Variants in DCAF5 observed in about 807,000 individuals in gnomAD.
DCAF5 encodes the protein DDB1 and CUL4 associated factor 5.
In DCAF5, 9 loss-of-function variants were observed where a neutral mutation model predicts 80.7. The observed-to-expected ratio is 0.11, with a 90% CI of 0.07 to 0.19. The LOEUF (loss-of-function observed/expected upper bound fraction) is 0.19. Among genes scored for constraint, DCAF5 ranks in the 10% least tolerant of loss-of-function variants. DCAF5 has a pLI of 1.00. For missense variants in DCAF5, 842 were observed against 1,205.7 expected, an observed-to-expected ratio of 0.70 and a Z score of 4.47; for synonymous variants, 433 against 461.9, an observed-to-expected ratio of 0.94 and a Z score of 0.80.
intron 6 of DCAF5, among the ~76,000 whole-genome samples, chr14:69,087,121 T>C (rs901105406): frequency 6.6e-6 from 1 of 152,178 alleles, no homozygotes; most frequent in African/African-American, 2.4e-5. Context: ...AGCCATTCTA[T>C]TGGACTCACA....
rs1186819202 is a variant in DCAF5 at position 69,054,389 on chromosome 14, C to T, written c.2297G>A (p.Gly766Asp). 2 of 1,614,082 alleles carry T rather than the reference C, an allele frequency of 1.2e-6. No homozygotes were observed. Among genetic ancestry groups the T allele is most frequent in the South Asian group, 1.1e-5 (1 of 91,088 alleles). ...AGGGTGCTCTACAGAGCCGCTATTG[C>T]CAGTGTCCTGAGAGGTACCCTCTGG... ...EVPEGTSQDT[G>D]NSGSVEHPFE... Residue 766 changes from glycine (G) to aspartate (D), a missense_variant, in exon 9 of 9, where the codon GGC (glycine) becomes GAC (aspartate). Around this residue, in one of 5 missense-constraint regions of DCAF5, gnomAD observed 607 missense variants for 656.6 expected, o/e 0.92. Coordinates refer to ENST00000341516, the MANE Select transcript of DCAF5 (RefSeq NM_003861.3).
intron 1 of DCAF5, among the ~76,000 whole-genome samples, chr14:69,137,119 T>G (rs926222293): frequency 6.6e-6 from 1 of 152,250 alleles, no homozygotes; most frequent in South Asian, 2.1e-4. Flanking sequence ...GTGGGAGGCC[T>G]ATCTTGTAAG....
At chr14:69,102,091 C>T (rs2039971665) in intron 5 of DCAF5, among the ~76,000 whole-genome samples, 1 of 150,820 alleles carries the variant, frequency 6.6e-6, no homozygotes. Context: ...CAATAATTAA[C>T]CTTAGTTTAC....
chr14:69,083,473 A>C (rs748507814), intron 6 of DCAF5: 32 of 327,990 alleles, frequency 9.8e-5, no homozygotes, highest in Non-Finnish European at 1.6e-4. Flanking sequence ...GTGGAACCTA[A>C]AGTTGCAGGG....
At chr14:69,113,379 C>G (rs1290189261) in intron 5 of DCAF5, among the ~76,000 whole-genome samples, 1 of 152,124 alleles carries the variant, frequency 6.6e-6, no homozygotes, top group Non-Finnish European at 1.5e-5. Flanking sequence ...CAACTCTTAT[C>G]CTTTTGGAGT....
chr14:69,141,690 G>A (rs2041379552), intron 1 of DCAF5, among the ~76,000 whole-genome samples: 1 of 152,154 alleles, frequency 6.6e-6, no homozygotes, highest in Admixed American at 6.5e-5. Context: ...AGGCAGGCAG[G>A]TGACGTAGAG....
intron 1 of DCAF5, among the ~76,000 whole-genome samples, chr14:69,142,218 T>C (rs1230769366): frequency 1.3e-5 from 2 of 152,292 alleles, no homozygotes; most frequent in East Asian, 3.9e-4. Context: ...GAAGATCACT[T>C]GAGCATGGAG....
intron 6 of DCAF5, among the ~76,000 whole-genome samples, chr14:69,080,373 T>C (rs1486201951): frequency 1.3e-5 from 2 of 151,970 alleles, no homozygotes; most frequent in Non-Finnish European, 2.9e-5. Flanking sequence ...CAAGGAAATA[T>C]AAGCAAGAAA....
chr14:69,122,335 T>C lies in DCAF5; in HGVS notation c.240A>G (p.Leu80=), dbSNP rs761906625. The C allele has an allele frequency of 4.2e-5, 68 of 1,612,610 alleles. No individual in the cohort carries two copies. The Admixed American group carries it at 5.3e-4, about 13-fold the overall frequency. ...AGTGGATGGCTTGTTCCATGTGCCATAGCAGAACCCGGCGGTCATCTCCTC... is the reference window on the plus strand; with the variant it reads ...AGTGGATGGCTTGTTCCATGTGCCACAGCAGAACCCGGCGGTCATCTCCTC... ...VSGGDDRRVL[L]WHMEQAIHSR... is the part of the protein sequence containing the mutation. The change falls in exon 2 of 9, where the codon CTA becomes CTG. Residue 80 remains leucine (L), a synonymous_variant. Transcript: ENST00000341516.
At chr14:69,151,911 G>A (rs965369317) in intron 1 of DCAF5, among the ~76,000 whole-genome samples, 6 of 152,194 alleles carry the variant, frequency 3.9e-5, no homozygotes, top group African/African-American at 1.4e-4. Flanking sequence ...GAGAGCCCGG[G>A]GGCAACCAGG....
At chr14:69,096,623 G>T (rs1323982714) in intron 5 of DCAF5, among the ~76,000 whole-genome samples, 1 of 152,046 alleles carries the variant, frequency 6.6e-6, no homozygotes, top group Admixed American at 6.6e-5. Context: ...AGCCCAGAAC[G>T]CTTCAACTTT....
intron 6 of DCAF5, among the ~76,000 whole-genome samples, chr14:69,079,087 C>T (rs1452163523): frequency 2.0e-5 from 3 of 151,194 alleles, no homozygotes; most frequent in Admixed American, 2.0e-4. Context: ...CCCTGCCCCC[C>T]ATACCACTGC....
At chr14:69,077,111 C>T (rs536631795) in intron 6 of DCAF5, among the ~76,000 whole-genome samples, 1 of 152,188 alleles carries the variant, frequency 6.6e-6, no homozygotes, top group Non-Finnish European at 1.5e-5. Context: ...CAGTGATTAA[C>T]GTGTTTTACT....
chr14:69,085,485 C>T (rs1277477617), intron 6 of DCAF5: 1 of 370,462 alleles, frequency 2.7e-6, no homozygotes. Flanking sequence ...AGAATTTGGA[C>T]TTATCTAACA....
chr14:69,119,091 G>T, intron 3 of DCAF5, 103 bp downstream of exon 3: 3 of 1,167,874 alleles, frequency 2.6e-6, no homozygotes, highest in East Asian at 2.6e-5. Context: ...GTTTCATGTT[G>T]TTTTTTTCAA....
chr14:69,100,393 T>A (rs1435498649), intron 5 of DCAF5, among the ~76,000 whole-genome samples: 3 of 149,564 alleles, frequency 2.0e-5, no homozygotes, highest in African/African-American at 7.7e-5. Context: ...CCCATAGGAT[T>A]CTGGTACAAA....
At chr14:69,104,736 A>G (rs936613854) in intron 5 of DCAF5, among the ~76,000 whole-genome samples, 1 of 152,114 alleles carries the variant, frequency 6.6e-6, no homozygotes, top group Non-Finnish European at 1.5e-5. Flanking sequence ...GGGCGCCTGT[A>G]ATCCCAGCTA....
Position 69,062,371 on chromosome 14 carries a change from G to GA in DCAF5, c.1074+12dup. 6.2e-7 allele frequency: 1 copy of GA among 1,612,304 alleles called. No homozygotes were observed. Among genetic ancestry groups the GA allele is most frequent in the Non-Finnish European group, 8.5e-7 (1 of 1,178,944 alleles). On this transcript the variant is annotated intron_variant, in intron 8 of 8. Coordinates refer to ENST00000341516, the MANE Select transcript of DCAF5 (RefSeq NM_003861.3). ...GAATTTCTCTAAAAGGACAGAAGGG[G>GA]AAGGTGCCTCACCTTGATAATCTTT... is the stretch of plus-strand genomic sequence containing the variant.
chr14:69,116,500 G>A lies in DCAF5; in HGVS notation c.536-5C>T. ...AGTTTGCCAGGCAGAAGGGCTCTGT[G>A]GAAAGAAAAATTATAATCAGTTCAC... On this transcript the variant is annotated splice_polypyrimidine_tract_variant and splice_region_variant and intron_variant, in intron 4 of 8. Transcript: ENST00000341516. The A allele has an allele frequency of 6.2e-7, 1 of 1,611,850 alleles. No individual in the cohort carries two copies. Among genetic ancestry groups the A allele is most frequent in the Non-Finnish European group, 8.5e-7 (1 of 1,178,438 alleles).
Sources: gnomAD v4.1 joint callset for allele counts (sites outside exome capture counted in the v4.1 genomes callset) on GRCh38, gnomAD v4.1.1 for gene constraint, gnomAD v4.1.1 regional missense constraint, MANE v1.5 for transcripts, NCBI Gene and HGNC (gene_info 2026-07-23, HGNC 2026-07-21) for gene names.